UTRN: variants seen among roughly 807,000 people sequenced by gnomAD.
UTRN encodes the protein utrophin, also known as dystrophin-related protein 1.
Under a neutral mutation model 463.9 loss-of-function variants are expected in UTRN, and 283 were observed. The observed-to-expected ratio is 0.61, with a 90% confidence interval of 0.55 to 0.67. The LOEUF (loss-of-function observed/expected upper bound fraction) is 0.67, where lower values mean the gene tolerates loss of function less well. Ranked by LOEUF, UTRN falls within the 30% of genes least tolerant of loss-of-function variation. The pLI is 0.00. For missense variants in UTRN, 3,922 were observed against 4,084.3 expected (o/e 0.96, Z 1.08); for synonymous variants, 1,442 against 1,431.5 (o/e 1.01, Z -0.17).
At chr6:144,825,986 G>A (rs1416907887) in intron 66 of UTRN, among the ~76,000 whole-genome samples, 1 of 133,836 alleles carries the variant, frequency 7.5e-6, no homozygotes, top group African/African-American at 2.8e-5. Flanking sequence ...ATCACACACC[G>A]GAGACTGTTG....
rs572617140 is a variant in UTRN, at chr6:144,580,301, G to A, written c.7479+3013G>A. On this transcript the variant is annotated intron_variant, in intron 51 of 74. Coordinates refer to ENST00000367545, the MANE Select transcript of UTRN (RefSeq NM_007124.3). ...ATAAGGAGCTCCGTGTATCTTTGCT[G>A]CATGCACAGGATGTGTATGTAGAAC... 8.9e-4 allele frequency among the ~76,000 whole-genome samples: 136 copies of A among 152,264 alleles called. 1 individual carries two copies. In the South Asian group the frequency reaches 0.026, roughly 29 times the overall value.
rs2128571328 is a variant in UTRN at position 144,477,434 on chromosome 6, G to A, written c.3337-2378G>A. On this transcript the variant is annotated intron_variant, in intron 25 of 74. Transcript: ENST00000367545. ...TGAACATGTTCAAATGTAAAGAAAAGTTAAAGAATGATAAAAAGGAACAGC... is the reference window on the plus strand; with the variant it reads ...TGAACATGTTCAAATGTAAAGAAAAATTAAAGAATGATAAAAAGGAACAGC... Among the ~76,000 whole-genome samples the A allele has an allele frequency of 1.3e-5, 2 of 152,082 alleles. 1 individual carries two copies. The highest frequency in any genetic ancestry group is 1.3e-4 in the Admixed American group (2 of 15,274).
intron 71 of UTRN, among the ~76,000 whole-genome samples, chr6:144,836,784 G>A (rs1378247480): frequency 4.6e-5 from 7 of 152,138 alleles, no homozygotes; most frequent in South Asian, 2.1e-4. Flanking sequence ...AATGAAGTCC[G>A]CCTCAGCTCT....
chr6:144,831,424 ATG>A (rs1468689494), intron 69 of UTRN, among the ~76,000 whole-genome samples: 1 of 152,104 alleles, frequency 6.6e-6, no homozygotes, highest in African/African-American at 2.4e-5. Context: ...GGCTTTGAAA[ATG>A]AGGAATGCAG....
chr6:144,286,892 G>C lies in UTRN; in HGVS notation c.-93+1071G>C, dbSNP rs1803723802. Among the ~76,000 whole-genome samples, 1 of 152,176 alleles carries C rather than the reference G, an allele frequency of 6.6e-6. No homozygotes were observed. The highest frequency in any genetic ancestry group is 1.5e-5 in the Non-Finnish European group (1 of 68,026). ...AGGGCCTCCTCTTTCCCAGCCTTCA[G>C]GTCAGCCGGATCACCAGGGCCTTGC... On this transcript the variant is annotated intron_variant, in intron 1 of 74. Coordinates refer to ENST00000367545, the MANE Select transcript of UTRN (RefSeq NM_007124.3). The surrounding 1 kb of genome is among the most constrained non-coding windows in gnomAD (Gnocchi z 4.4).
chr6:144,612,743 A>G lies in UTRN; in HGVS notation c.7479+35455A>G, dbSNP rs1805657308. ...TACAGAGAAAAGGAAAAGAACTCAT[A>G]TATTGTGAGTGGGAATGTAAATTAG... On this transcript the variant is annotated intron_variant, in intron 51 of 74. Coordinates refer to ENST00000367545, the MANE Select transcript of UTRN (RefSeq NM_007124.3). Among the ~76,000 whole-genome samples, 3 of 152,142 alleles carry G rather than the reference A, an allele frequency of 2.0e-5. No homozygotes were observed. In the South Asian group the frequency reaches 6.2e-4, roughly 31 times the overall value.
intron 23 of UTRN, among the ~76,000 whole-genome samples, chr6:144,464,055 G>T (rs1351701345): frequency 6.6e-6 from 1 of 151,614 alleles, no homozygotes. Context: ...TTTGGATCTA[G>T]ATCTAAATAT....
chr6:144,697,125 A>G (rs1448749531), intron 52 of UTRN, among the ~76,000 whole-genome samples: 1 of 152,174 alleles, frequency 6.6e-6, no homozygotes, highest in East Asian at 1.9e-4. Context: ...TAACTTGCGT[A>G]AAAGATATTC....
At position 144,725,729 on chromosome 6, in the gene UTRN, G is replaced by A. The variant is rs116517826; in HGVS notation, c.7810-4628G>A. ...GAGTTAAAGTGTGAAATGATTATATGTATAAAACTGTTGAAAGTTAAATCT... is the reference window on the plus strand; with the variant it reads ...GAGTTAAAGTGTGAAATGATTATATATATAAAACTGTTGAAAGTTAAATCT... On this transcript the variant is annotated intron_variant, in intron 53 of 74. Transcript: ENST00000367545. 2.7e-3 allele frequency among the ~76,000 whole-genome samples: 408 copies of A among 152,282 alleles called. 1 individual carries two copies. Among genetic ancestry groups the A allele is most frequent in the African/African-American group, 9.2e-3 (382 of 41,540 alleles).
At chr6:144,720,219 C>G (rs1786972767) in intron 53 of UTRN, among the ~76,000 whole-genome samples, 1 of 152,226 alleles carries the variant, frequency 6.6e-6, no homozygotes, top group Non-Finnish European at 1.5e-5. Context: ...GATTGACTTC[C>G]AAGTATTTCT....
chr6:144,480,103 T>G (rs573643893), intron 26 of UTRN, 121 bp downstream of exon 26: 2 of 1,205,794 alleles, frequency 1.7e-6, no homozygotes, highest in East Asian at 5.5e-5. Context: ...TCACAGTAGG[T>G]TTTTGAATTA....
chr6:144,500,121 A>G (rs971277345), intron 34 of UTRN, among the ~76,000 whole-genome samples: 1 of 152,174 alleles, frequency 6.6e-6, no homozygotes, highest in Non-Finnish European at 1.5e-5. Flanking sequence ...TCCTTTGCCT[A>G]TATACCCAGT....
intron 55 of UTRN, among the ~76,000 whole-genome samples, chr6:144,751,352 T>G (rs1169469137): frequency 6.6e-6 from 1 of 152,226 alleles, no homozygotes; most frequent in African/African-American, 2.4e-5. Context: ...AATTTTTCTC[T>G]TCACACATTT....
At chr6:144,380,976 CTTTT>C (rs986704010) in intron 2 of UTRN, among the ~76,000 whole-genome samples, 2 of 151,372 alleles carry the variant, frequency 1.3e-5, no homozygotes, top group African/African-American at 4.9e-5. Flanking sequence ...CAATTCCTTT[CTTTT>C]TTTCTTTCTT....
chr6:144,318,438 G>A (rs560539718), intron 2 of UTRN, among the ~76,000 whole-genome samples: 2 of 152,088 alleles, frequency 1.3e-5, no homozygotes, highest in African/African-American at 4.8e-5. Context: ...GGGATTACAG[G>A]TGCCTACCAC....
chr6:144,515,264 T>C (rs1170124594), intron 37 of UTRN, among the ~76,000 whole-genome samples: 3 of 152,194 alleles, frequency 2.0e-5, no homozygotes, highest in Non-Finnish European at 4.4e-5. Flanking sequence ...CATTTGTCCG[T>C]ATTTATTTGT....
chr6:144,590,932 A>C (rs1802999899), intron 51 of UTRN, among the ~76,000 whole-genome samples: 1 of 151,914 alleles, frequency 6.6e-6, no homozygotes, highest in Non-Finnish European at 1.5e-5. Context: ...ATAAGTTAAT[A>C]TTGATAAAAT....
intron 45 of UTRN, 122 bp from the exon 46 acceptor site, chr6:144,542,673 T>C (rs1049578307): frequency 8.5e-6 from 8 of 939,228 alleles, no homozygotes; most frequent in Non-Finnish European, 1.2e-5. Flanking sequence ...GAGCCAGAAG[T>C]TTAGGTCGTT....
intron 55 of UTRN, among the ~76,000 whole-genome samples, chr6:144,749,477 G>T (rs1791146272): frequency 6.6e-6 from 1 of 152,160 alleles, no homozygotes; most frequent in Non-Finnish European, 1.5e-5. Flanking sequence ...ACTAGCAGAT[G>T]TTCTGTTTTT....
Sources: gnomAD v4.1 joint callset for allele counts (sites outside exome capture counted in the v4.1 genomes callset) on GRCh38, gnomAD v4.1.1 for gene constraint, Gnocchi (gnomAD v3.1) non-coding constraint, MANE v1.5 for transcripts, NCBI Gene and HGNC (gene_info 2026-07-23, HGNC 2026-07-21) for gene names.